Variants in CLIC4 observed in about 807,000 individuals in gnomAD.
The protein encoded by CLIC4 is chloride intracellular channel protein 4.
In CLIC4, 13 loss-of-function variants were observed where a neutral mutation model predicts 24.6. The observed-to-expected ratio is 0.53, with a 90% CI of 0.34 to 0.84. The LOEUF (loss-of-function observed/expected upper bound fraction) is 0.84, where lower values mean the gene tolerates loss of function less well. CLIC4 is among the 40% of genes least tolerant of loss of function. CLIC4 has a pLI of 0.01. For synonymous variants in CLIC4, 104 were observed against 111.3 expected (o/e 0.93, Z 0.41); for missense variants, 227 against 301.7 (o/e 0.75, Z 1.83).
intron 1 of CLIC4, among the ~76,000 whole-genome samples, chr1:24,784,696 C>T (rs1422909406): frequency 6.6e-6 from 1 of 152,126 alleles, no homozygotes; most frequent in Non-Finnish European, 1.5e-5. Flanking sequence ...TTGCAGTATC[C>T]TCTGCTTAGC....
intron 1 of CLIC4, among the ~76,000 whole-genome samples, chr1:24,777,438 G>A (rs1639154722): frequency 3.9e-5 from 6 of 152,124 alleles, no homozygotes; most frequent in Admixed American, 3.9e-4. Flanking sequence ...CAGCTACTCG[G>A]GAGGCTGAGG....
intron 3 of CLIC4, 101 bp from the exon 4 acceptor site, chr1:24,826,909 C>A: frequency 1.4e-6 from 1 of 718,028 alleles, no homozygotes; most frequent in Non-Finnish European, 2.3e-6. Flanking sequence ...ATAGTAATAA[C>A]TATTAAAAGA....
intron 1 of CLIC4, among the ~76,000 whole-genome samples, chr1:24,774,824 A>G (rs1487819069): frequency 6.6e-6 from 1 of 152,214 alleles, no homozygotes; most frequent in Non-Finnish European, 1.5e-5. Context: ...TAATCACAGC[A>G]CTTTGAGAGG....
chr1:24,752,370 T>G (rs1638787131), intron 1 of CLIC4, among the ~76,000 whole-genome samples: 1 of 152,154 alleles, frequency 6.6e-6, no homozygotes, highest in Admixed American at 6.5e-5. Context: ...GTCTTAGATG[T>G]TAGGGTGGCT....
At chr1:24,829,305 CTG>C (rs921034826) in intron 4 of CLIC4, among the ~76,000 whole-genome samples, 12 of 152,046 alleles carry the variant, frequency 7.9e-5, no homozygotes, top group Non-Finnish European at 1.6e-4. Flanking sequence ...GCTAATGAAA[CTG>C]AAATAGAAGG....
At chr1:24,790,424 GAAAA>G (rs937068904) in intron 1 of CLIC4, among the ~76,000 whole-genome samples, 2 of 152,138 alleles carry the variant, frequency 1.3e-5, no homozygotes, top group Middle Eastern at 3.2e-3. Context: ...TTAAGGAAAA[GAAAA>G]ATAAATAAAT....
rs1253442842 is a variant in CLIC4, at chr1:24,790,411, A to AT, written c.73-7327dup. ...TAATACTTCTTGCTTCCAGAATGTG[A>AT]TTTTAAGGAAAAGAAAAATAAATAA... On this transcript the variant is annotated intron_variant, in intron 1 of 5. Transcript: ENST00000374379. Among the ~76,000 whole-genome samples, 6 of 152,320 alleles carry AT rather than the reference A, an allele frequency of 3.9e-5. No homozygotes were observed. The East Asian group carries it at 1.2e-3, about 29-fold the overall frequency.
chr1:24,786,742 C>T (rs553584575), intron 1 of CLIC4, among the ~76,000 whole-genome samples: 5 of 151,806 alleles, frequency 3.3e-5, no homozygotes, highest in Non-Finnish European at 2.9e-5. Flanking sequence ...CTCAGCCTCC[C>T]GAGTAGCTGG....
Position 24,827,079 on chromosome 1 carries a change from T to A in CLIC4, c.378T>A (p.Ser126=). 1 of 1,610,594 alleles carries A rather than the reference T, an allele frequency of 6.2e-7. No individual in the cohort carries two copies. The highest frequency in any genetic ancestry group is 8.5e-7 in the Non-Finnish European group (1 of 1,178,686). Residue 126 remains serine (S), a synonymous_variant, in exon 4 of 6, where the codon TCT becomes TCA. Transcript: ENST00000374379. ...TAGMDIFAKF[S]AYIKNSRPEA... ...GAATGGACATCTTTGCCAAATTCTC[T>A]GCATATATCAAGAATTCAAGGCCAG...
intron 1 of CLIC4, among the ~76,000 whole-genome samples, chr1:24,791,779 G>A (rs528854805): frequency 6.6e-6 from 1 of 152,170 alleles, no homozygotes; most frequent in East Asian, 1.9e-4. Flanking sequence ...GGGAGGTTGA[G>A]GCAGGAGAAT....
intron 3 of CLIC4, among the ~76,000 whole-genome samples, chr1:24,821,432 T>A (rs1438421289): frequency 3.3e-5 from 5 of 152,212 alleles, no homozygotes; most frequent in African/African-American, 1.2e-4. Context: ...TAACCAGAGA[T>A]GGTCTTTTTC....
intron 1 of CLIC4, among the ~76,000 whole-genome samples, chr1:24,765,198 G>A (rs917396441): frequency 5.9e-5 from 9 of 152,192 alleles, no homozygotes; most frequent in African/African-American, 2.2e-4. Context: ...ATATGGAAAA[G>A]CATTTCATAT....
chr1:24,825,308 G>A (rs1639777086), intron 3 of CLIC4, among the ~76,000 whole-genome samples: 2 of 152,128 alleles, frequency 1.3e-5, no homozygotes. Context: ...TTTTTTGTTT[G>A]AAATGAGTCA....
At chr1:24,811,515 C>T (rs1478115536) in intron 2 of CLIC4, among the ~76,000 whole-genome samples, 1 of 151,994 alleles carries the variant, frequency 6.6e-6, no homozygotes. Flanking sequence ...CTCTGTTGCC[C>T]AGGCTGAAGT....
intron 2 of CLIC4, among the ~76,000 whole-genome samples, chr1:24,807,484 T>G (rs1049316845): frequency 1.3e-5 from 2 of 152,214 alleles, no homozygotes; most frequent in African/African-American, 4.8e-5. Flanking sequence ...ACGTGGCCCC[T>G]GCTGCTGTGT....
chr1:24,805,920 GAAAA>G (rs760166901), intron 2 of CLIC4, among the ~76,000 whole-genome samples: 4 of 151,108 alleles, frequency 2.6e-5, no homozygotes, highest in Admixed American at 1.3e-4. Flanking sequence ...TCTTCATCTA[GAAAA>G]AAAATGGGAA....
At chr1:24,761,138 T>G (rs755457539) in intron 1 of CLIC4, among the ~76,000 whole-genome samples, 3 of 152,120 alleles carry the variant, frequency 2.0e-5, no homozygotes, top group Non-Finnish European at 2.9e-5. Context: ...GCCAGAATGA[T>G]GGAGTTGTCA....
At chr1:24,818,808 A>G (rs1326718518) in intron 3 of CLIC4, among the ~76,000 whole-genome samples, 7 of 3,778 alleles carry the variant, frequency 1.9e-3, no homozygotes, top group African/African-American at 3.0e-3. Flanking sequence ...GAACTGTCTT[A>G]ATTTAAAAAA....
chr1:24,780,565 C>T (rs1342498974), intron 1 of CLIC4, among the ~76,000 whole-genome samples: 3 of 152,188 alleles, frequency 2.0e-5, no homozygotes, highest in African/African-American at 4.8e-5. Context: ...CTTCCATGGT[C>T]ATCTCATCTA....
Sources: allele counts gnomAD v4.1 joint callset (sites outside exome capture counted in the v4.1 genomes callset), GRCh38; gene constraint gnomAD v4.1.1; transcripts MANE v1.5; gene names NCBI Gene and HGNC (gene_info 2026-07-23, HGNC 2026-07-21).